Variants in IL1RAPL2 observed in about 807,000 individuals in gnomAD.
The protein encoded by IL1RAPL2 is X-linked interleukin-1 receptor accessory protein-like 2.
Under a neutral mutation model 44.1 loss-of-function variants are expected in IL1RAPL2, and 3 were observed. That is an observed-to-expected ratio of 0.07 (90% CI 0.03 to 0.18). The LOEUF (loss-of-function observed/expected upper bound fraction) is 0.18. IL1RAPL2 is among the 10% of genes least tolerant of loss of function. The pLI is 1.00. For synonymous variants in IL1RAPL2, 181 were observed against 178.8 expected, an observed-to-expected ratio of 1.01 and a Z score of -0.10; for missense variants, 391 against 496.4, an observed-to-expected ratio of 0.79 and a Z score of 2.02.
intron 6 of IL1RAPL2, among the ~76,000 whole-genome samples, chrX:105,516,570 C>T (rs1310214248): frequency 8.9e-6 from 1 of 111,811 alleles, no homozygotes; most frequent in African/African-American, 3.2e-5. Context: ...TATTTTTGTG[C>T]AGGTCACATC....
intron 5 of IL1RAPL2, among the ~76,000 whole-genome samples, chrX:105,358,507 C>T (rs2035222233): frequency 9.2e-6 from 1 of 109,103 alleles, no homozygotes; most frequent in Non-Finnish European, 1.9e-5. Flanking sequence ...AAAACCTTAT[C>T]TCTACAAAAA....
At chrX:105,041,450 C>G (rs1007442625) in intron 2 of IL1RAPL2, among the ~76,000 whole-genome samples, 1 of 110,471 alleles carries the variant, frequency 9.1e-6, no homozygotes, top group Non-Finnish European at 1.9e-5. Flanking sequence ...CTTTCTGTCT[C>G]ATTGATCTGT....
chrX:104,946,575 C>T (rs1387189500), intron 2 of IL1RAPL2, among the ~76,000 whole-genome samples: 2 of 65,654 alleles, frequency 3.0e-5, no homozygotes, highest in African/African-American at 1.2e-4. Context: ...CTCCCCCCAC[C>T]CCACAACAGT....
chrX:104,826,243 G>C (rs1378631635), intron 2 of IL1RAPL2, among the ~76,000 whole-genome samples: 1 of 111,702 alleles, frequency 9.0e-6, no homozygotes, highest in Admixed American at 9.5e-5. Flanking sequence ...TTCTCCTGTA[G>C]GAATTTAGTG....
At chrX:105,268,462 T>A (rs1194254619) in intron 5 of IL1RAPL2, among the ~76,000 whole-genome samples, 2 of 111,028 alleles carry the variant, frequency 1.8e-5, no homozygotes, top group African/African-American at 6.5e-5. Flanking sequence ...AGCATGTAGT[T>A]AATAATGTTG....
intron 6 of IL1RAPL2, among the ~76,000 whole-genome samples, chrX:105,665,954 G>A (rs2037763160): frequency 9.3e-6 from 1 of 107,968 alleles, no homozygotes; most frequent in Non-Finnish European, 1.9e-5. Context: ...TGTAGAGACG[G>A]GGTTTCACCG....
chrX:104,990,261 T>C (rs759579095), intron 2 of IL1RAPL2, among the ~76,000 whole-genome samples: 2 of 112,404 alleles, frequency 1.8e-5, no homozygotes, highest in Non-Finnish European at 3.8e-5. Flanking sequence ...CTGGAAAATA[T>C]ATTTCCTTGT....
chrX:104,909,603 C>G (rs370734683), intron 2 of IL1RAPL2, among the ~76,000 whole-genome samples: 10 of 111,595 alleles, frequency 9.0e-5, no homozygotes, highest in Non-Finnish European at 1.9e-4. Flanking sequence ...GTCCCCTTGC[C>G]GTGTGAGGTG....
chrX:105,523,564 C>CA, intron 6 of IL1RAPL2, among the ~76,000 whole-genome samples: 1 of 111,095 alleles, frequency 9.0e-6, no homozygotes, highest in Non-Finnish European at 1.9e-5. Context: ...ACAATTGAAA[C>CA]AAATTGTTTC....
intron 5 of IL1RAPL2, among the ~76,000 whole-genome samples, chrX:105,434,964 G>A (rs1427783206): frequency 1.8e-5 from 2 of 111,399 alleles, no homozygotes; most frequent in Non-Finnish European, 3.8e-5. Context: ...TTTATTAAAC[G>A]GGTAATAGTT....
intron 2 of IL1RAPL2, among the ~76,000 whole-genome samples, chrX:105,011,914 A>G (rs1024008946): frequency 9.0e-6 from 1 of 111,029 alleles, no homozygotes; most frequent in African/African-American, 3.3e-5. Flanking sequence ...ATAGATTCCT[A>G]TGGCAAAACA....
intron 6 of IL1RAPL2, among the ~76,000 whole-genome samples, chrX:105,515,369 A>C (rs1569449585): frequency 8.9e-6 from 1 of 112,174 alleles, no homozygotes; most frequent in Admixed American, 9.5e-5. Context: ...GATATCTTGA[A>C]TCTCAGGCTG....
chrX:105,234,806 T>TAA (rs368688495), intron 4 of IL1RAPL2, among the ~76,000 whole-genome samples: 40 of 65,866 alleles, frequency 6.1e-4, no homozygotes, highest in Non-Finnish European at 6.9e-4. Flanking sequence ...AGACTCCATC[T>TAA]AAAAAAAAAA....
At chrX:105,113,776 GTTGC>G (rs2032825035) in intron 2 of IL1RAPL2, among the ~76,000 whole-genome samples, 1 of 111,852 alleles carries the variant, frequency 8.9e-6, no homozygotes, top group Admixed American at 9.5e-5. Context: ...AGTTATTGCT[GTTGC>G]TTGTCATTCC....
intron 5 of IL1RAPL2, among the ~76,000 whole-genome samples, chrX:105,276,240 T>C (rs2034485074): frequency 9.0e-6 from 1 of 111,564 alleles, no homozygotes; most frequent in Non-Finnish European, 1.9e-5. Context: ...ACCCCATCTC[T>C]ACTAAGAAAA....
chrX:105,349,687 C>T (rs1215181921), intron 5 of IL1RAPL2, among the ~76,000 whole-genome samples: 2 of 111,576 alleles, frequency 1.8e-5, no homozygotes, highest in Non-Finnish European at 3.8e-5. Flanking sequence ...CATGAGAGGA[C>T]TGTTTTTCAT....
chrX:105,288,722 AC>A (rs1352924359), intron 5 of IL1RAPL2, among the ~76,000 whole-genome samples: 1 of 108,890 alleles, frequency 9.2e-6, no homozygotes, highest in Non-Finnish European at 1.9e-5. Flanking sequence ...AATCTCCTTC[AC>A]CCCAGTCCCA....
At chrX:105,148,027 C>T (rs768829556) in intron 2 of IL1RAPL2, among the ~76,000 whole-genome samples, 22 of 111,059 alleles carry the variant, frequency 2.0e-4, no homozygotes, top group Non-Finnish European at 4.0e-4. Flanking sequence ...TGCTCTTTTC[C>T]TGTCTTTAGA....
intron 5 of IL1RAPL2, among the ~76,000 whole-genome samples, chrX:105,460,859 C>A (rs2036088322): frequency 9.0e-6 from 1 of 111,243 alleles, no homozygotes; most frequent in African/African-American, 3.3e-5. Context: ...AACAGATAAA[C>A]AACAGACAAT....
Sources: gnomAD v4.1 joint callset for allele counts (sites outside exome capture counted in the v4.1 genomes callset) on GRCh38, gnomAD v4.1.1 for gene constraint, MANE v1.5 for transcripts, NCBI Gene and HGNC (gene_info 2026-07-23, HGNC 2026-07-21) for gene names.